The following PTPDC1 variants were observed in gnomAD, a reference collection of about 807,000 sequenced individuals.
PTPDC1 encodes protein tyrosine phosphatase domain-containing protein 1.
In PTPDC1, 53 loss-of-function variants were observed where a neutral mutation model predicts 75.3. The observed-to-expected ratio is 0.70, with a 90% CI of 0.56 to 0.88. The LOEUF is 0.88. Among genes scored for constraint, PTPDC1 ranks in the 40% least tolerant of loss-of-function variants. The pLI is 0.00. For missense variants in PTPDC1, 925 were observed against 998.6 expected (o/e 0.93, Z 0.99); for synonymous variants, 349 against 366.2 (o/e 0.95, Z 0.54).
chr9:94,061,787 C>T (rs1826149536), intron 1 of PTPDC1, among the ~76,000 whole-genome samples: 1 of 152,234 alleles, frequency 6.6e-6, no homozygotes, highest in Non-Finnish European at 1.5e-5. Flanking sequence ...TGGGCATAGC[C>T]CACAGAACCA....
intron 1 of PTPDC1, among the ~76,000 whole-genome samples, chr9:94,041,371 A>G (rs1271570250): frequency 6.6e-6 from 1 of 152,190 alleles, no homozygotes; most frequent in Non-Finnish European, 1.5e-5. Context: ...ACTCCTGCTA[A>G]TTACTTGCAG....
chr9:94,049,057 G>A (rs192769856), intron 1 of PTPDC1, among the ~76,000 whole-genome samples: 2 of 151,784 alleles, frequency 1.3e-5, no homozygotes, highest in East Asian at 3.9e-4. Flanking sequence ...TTTCCATTTG[G>A]TAGATCTTCC....
At chr9:94,075,009 T>C (rs2117923205) in intron 2 of PTPDC1, among the ~76,000 whole-genome samples, 1 of 152,294 alleles carries the variant, frequency 6.6e-6, no homozygotes, top group East Asian at 1.9e-4. Context: ...TGGTATTGAC[T>C]AATCCCACTT....
At chr9:94,104,045 C>T (rs1827932776) in intron 7 of PTPDC1, among the ~76,000 whole-genome samples, 1 of 152,218 alleles carries the variant, frequency 6.6e-6, no homozygotes, top group Admixed American at 6.5e-5. Context: ...TTTAGTTTTA[C>T]TTTGTACAAT....
chr9:94,059,742 T>C (rs927652509), intron 1 of PTPDC1, among the ~76,000 whole-genome samples: 1 of 152,228 alleles, frequency 6.6e-6, no homozygotes, highest in African/African-American at 2.4e-5. Context: ...CTTGGGGGGA[T>C]AGAAGGTGGA....
At chr9:94,082,999 C>T (rs970283981), upstream of PTPDC1, among the ~76,000 whole-genome samples, 2 of 152,200 alleles carry the variant, frequency 1.3e-5, no homozygotes, top group Admixed American at 1.3e-4. Context: ...AGGCCATGGA[C>T]TTGTTTCTGC....
intron 1 of PTPDC1, among the ~76,000 whole-genome samples, chr9:94,050,176 G>A (rs369616529): frequency 1.4e-4 from 21 of 151,852 alleles, no homozygotes; most frequent in African/African-American, 1.2e-4. Flanking sequence ...CCTTTAGCTC[G>A]GAGTAGTTTG....
intron 1 of PTPDC1, among the ~76,000 whole-genome samples, chr9:94,059,773 T>C (rs1055981420): frequency 6.6e-6 from 1 of 152,250 alleles, no homozygotes; most frequent in Non-Finnish European, 1.5e-5. Flanking sequence ...TTTCATTCTA[T>C]ACCATTTATT....
intron 1 of PTPDC1, among the ~76,000 whole-genome samples, chr9:94,042,142 T>A (rs1202864740): frequency 1.3e-5 from 2 of 152,178 alleles, no homozygotes; most frequent in African/African-American, 2.4e-5. Context: ...TTCACCATCC[T>A]TTTACTTATT....
upstream of PTPDC1, among the ~76,000 whole-genome samples, chr9:94,079,737 C>T (rs1486166239): frequency 6.6e-6 from 1 of 152,194 alleles, no homozygotes; most frequent in Non-Finnish European, 1.5e-5. Context: ...GCCTGCTTCT[C>T]CTTCTGGCTG....
At chr9:94,058,536 TGAAAAAAA>T (rs1375098172) in intron 1 of PTPDC1, among the ~76,000 whole-genome samples, 1 of 134,606 alleles carries the variant, frequency 7.4e-6, no homozygotes. Context: ...CCATCTCTAC[TGAAAAAAA>T]AAAAATACAA....
chr9:94,062,656 A>G (rs560159673), intron 1 of PTPDC1, among the ~76,000 whole-genome samples: 3 of 152,254 alleles, frequency 2.0e-5, no homozygotes, highest in Admixed American at 2.0e-4. Context: ...ACTTTTAAAC[A>G]ACCAGATATC....
chr9:94,095,441 G>A lies in PTPDC1; in HGVS notation c.741G>A (p.Gly247=). ...AAGTAGCTATCCATTGTCATGCAGG[G>A]CTTGGTCGAACAGGTAGGTCCTAAG... ...EGKVAIHCHA[G]LGRTGVLIAC... is the part of the protein sequence containing the mutation. The change falls in exon 5 of 9, where the codon GGG becomes GGA. Residue 247 remains glycine (G), a synonymous_variant. Coordinates refer to ENST00000620992, the MANE Select transcript of PTPDC1 (RefSeq NM_001253829.2). 2 of 1,613,032 alleles carry A rather than the reference G, an allele frequency of 1.2e-6. No individual in the cohort carries two copies. The highest frequency in any genetic ancestry group is 2.2e-5 in the East Asian group (1 of 44,838).
chr9:94,048,926 T>G (rs1393756992), intron 1 of PTPDC1, among the ~76,000 whole-genome samples: 1 of 152,244 alleles, frequency 6.6e-6, no homozygotes, highest in African/African-American at 2.4e-5. Flanking sequence ...TAGTTAGCTC[T>G]TCTTGTTGAA....
At chr9:94,104,210 T>C in intron 7 of PTPDC1, 65 bp from the exon 8 acceptor site, 1 of 1,082,216 alleles carries the variant, frequency 9.2e-7, no homozygotes. Flanking sequence ...TCTACGATAG[T>C]TTTGAATTGA....
intron 2 of PTPDC1, among the ~76,000 whole-genome samples, chr9:94,067,906 A>G (rs1010166502): frequency 6.6e-6 from 1 of 152,206 alleles, no homozygotes; most frequent in Non-Finnish European, 1.5e-5. Flanking sequence ...CCGGCTTTCA[A>G]TCTCTTTTAA....
intron 1 of PTPDC1, among the ~76,000 whole-genome samples, chr9:94,060,939 C>T (rs918249759): frequency 3.3e-5 from 5 of 152,146 alleles, no homozygotes; most frequent in African/African-American, 9.7e-5. Context: ...GTCCTTCTCA[C>T]GTTGCAAAAT....
chr9:94,070,413 G>A (rs1487084789), intron 2 of PTPDC1, among the ~76,000 whole-genome samples: 1 of 152,116 alleles, frequency 6.6e-6, no homozygotes, highest in Non-Finnish European at 1.5e-5. Context: ...TAGGCTTTAT[G>A]TATGGCTCTT....
At chr9:94,031,245 C>T (rs1829720478) in intron 1 of PTPDC1, 1 of 152,074 alleles carries the variant, frequency 6.6e-6, no homozygotes, top group African/African-American at 2.4e-5. Flanking sequence ...GGGTCGTGAG[C>T]TTGAAACTAA....
Sources: gnomAD v4.1 joint callset for allele counts (sites outside exome capture counted in the v4.1 genomes callset) on GRCh38, gnomAD v4.1.1 for gene constraint, MANE v1.5 for transcripts, NCBI Gene and HGNC (gene_info 2026-07-23, HGNC 2026-07-21) for gene names.